SLC22A4: variants seen among roughly 807,000 people sequenced by gnomAD.
SLC22A4 encodes the protein ET transporter.
Under a neutral mutation model 56.6 loss-of-function variants are expected in SLC22A4, and 39 were observed. The ratio of observed to expected loss-of-function variants is 0.69; its 90% CI spans 0.53 to 0.90. SLC22A4 has a LOEUF of 0.90. Among genes scored for constraint, SLC22A4 ranks in the 40% least tolerant of loss-of-function variants. The probability of loss-of-function intolerance (pLI) is 0.00; values close to 1 mark genes in which losing one functional copy is unlikely to be tolerated. For missense variants in SLC22A4, 594 were observed against 696.5 expected (o/e 0.85, Z 1.66); for synonymous variants, 241 against 281.4 (o/e 0.86, Z 1.44).
intron 1 of SLC22A4, among the ~76,000 whole-genome samples, chr5:132,298,627 C>G (rs1181523869): frequency 1.3e-5 from 2 of 152,148 alleles, no homozygotes; most frequent in African/African-American, 4.8e-5. Flanking sequence ...TCTCAGTTTT[C>G]AAAATGGGGA....
intron 8 of SLC22A4, among the ~76,000 whole-genome samples, chr5:132,338,249 C>G (rs181394141): frequency 1.2e-4 from 19 of 152,174 alleles, no homozygotes; most frequent in Non-Finnish European, 2.2e-4. Context: ...ATAAAACCAG[C>G]AAGTTTTTAT....
chr5:132,296,718 A>C (rs1195059116), intron 1 of SLC22A4, among the ~76,000 whole-genome samples: 1 of 152,216 alleles, frequency 6.6e-6, no homozygotes, highest in Non-Finnish European at 1.5e-5. Context: ...GGGCCAGCTC[A>C]TCCCGCGTCG....
intron 1 of SLC22A4, among the ~76,000 whole-genome samples, chr5:132,304,810 A>C (rs1049765822): frequency 6.6e-6 from 1 of 152,240 alleles, no homozygotes; most frequent in African/African-American, 2.4e-5. Context: ...TCCACATGTC[A>C]GATTTTAACA....
At chr5:132,327,513 C>T in intron 5 of SLC22A4, 110 bp downstream of exon 5, 1 of 895,810 alleles carries the variant, frequency 1.1e-6, no homozygotes, top group Non-Finnish European at 1.9e-6. Flanking sequence ...AGGCATTGCA[C>T]TAGGCCTTAG....
chr5:132,337,825 G>T (rs987608140), intron 8 of SLC22A4, among the ~76,000 whole-genome samples: 3 of 150,270 alleles, frequency 2.0e-5, no homozygotes, highest in African/African-American at 7.4e-5. Flanking sequence ...AACCTCCGCC[G>T]CCTGGGTTCA....
At chr5:132,331,486 CT>C (rs1433187307) in intron 5 of SLC22A4, among the ~76,000 whole-genome samples, 1 of 152,118 alleles carries the variant, frequency 6.6e-6, no homozygotes, top group Non-Finnish European at 1.5e-5. Flanking sequence ...CAGAGAAAGG[CT>C]ATGTTAGCCA....
At chr5:132,297,971 T>C (rs1487471282) in intron 1 of SLC22A4, among the ~76,000 whole-genome samples, 1 of 152,102 alleles carries the variant, frequency 6.6e-6, no homozygotes, top group Non-Finnish European at 1.5e-5. Context: ...TTGTTGTTTT[T>C]AAACACAGAA....
intron 3 of SLC22A4, among the ~76,000 whole-genome samples, chr5:132,317,911 A>G (rs975860273): frequency 2.6e-5 from 4 of 152,246 alleles, no homozygotes; most frequent in African/African-American, 9.6e-5. Flanking sequence ...GGCATACCTT[A>G]TTTGCATTGC....
intron 4 of SLC22A4, among the ~76,000 whole-genome samples, chr5:132,326,251 A>G (rs1284696693): frequency 6.6e-6 from 1 of 152,256 alleles, no homozygotes; most frequent in African/African-American, 2.4e-5. Flanking sequence ...ATCATAGCTC[A>G]GCCTGACCTA....
intron 1 of SLC22A4, among the ~76,000 whole-genome samples, chr5:132,299,024 G>C (rs541104233): frequency 8.5e-5 from 13 of 152,346 alleles, no homozygotes; most frequent in African/African-American, 3.1e-4. Flanking sequence ...CCCCTGAGAA[G>C]GTTCTCTGCA....
chr5:132,338,431 T>C (rs999312277), intron 8 of SLC22A4, among the ~76,000 whole-genome samples: 2 of 152,210 alleles, frequency 1.3e-5, no homozygotes, highest in African/African-American at 4.8e-5. Context: ...CGCATTGTCA[T>C]TGATAACATC....
chr5:132,311,904 G>A lies in SLC22A4; in HGVS notation c.394-257G>A, dbSNP rs753780190. ...TTGCTATGTAATGCGAGCGGAGTAG[G>A]AGCATCACCCTCCCTTTCCAAAGAG... On this transcript the variant is annotated intron_variant, in intron 1 of 9. Coordinates refer to ENST00000200652, the MANE Select transcript of SLC22A4 (RefSeq NM_003059.3). 1.0e-5 allele frequency: 6 copies of A among 573,232 alleles called. 1 individual carries two copies. Among genetic ancestry groups the A allele is most frequent in the African/African-American group, 1.9e-5 (1 of 53,406 alleles). 35.5% of individuals were successfully genotyped at this position (573,232 alleles called of 1,614,324 possible).
chr5:132,341,982 T>C (rs893349960), intron 9 of SLC22A4, among the ~76,000 whole-genome samples: 9 of 150,802 alleles, frequency 6.0e-5, no homozygotes, highest in African/African-American at 2.2e-4. Flanking sequence ...ATCCAGACAG[T>C]TAAAAAATTT....
chr5:132,329,844 C>T (rs1750805154), intron 5 of SLC22A4, among the ~76,000 whole-genome samples: 1 of 152,122 alleles, frequency 6.6e-6, no homozygotes, highest in Non-Finnish European at 1.5e-5. Context: ...TCACAATCAC[C>T]CAAGTGCTTT....
chr5:132,298,025 T>A (rs1170246020), intron 1 of SLC22A4, among the ~76,000 whole-genome samples: 1 of 152,218 alleles, frequency 6.6e-6, no homozygotes, highest in Non-Finnish European at 1.5e-5. Flanking sequence ...GAAACCCTTG[T>A]TCATTCCTAG....
chr5:132,312,978 A>G (rs1367749850), intron 2 of SLC22A4, among the ~76,000 whole-genome samples: 4 of 152,230 alleles, frequency 2.6e-5, no homozygotes, highest in African/African-American at 9.7e-5. Context: ...ACTGGTCACT[A>G]CCAGAATGTG....
At position 132,340,623 on chromosome 5, in the gene SLC22A4, A is replaced by C; in HGVS notation, c.1503A>C (p.Gly501=). 6.2e-7 allele frequency: 1 copy of C among 1,613,942 alleles called. No homozygotes were observed. The highest frequency in any genetic ancestry group is 8.5e-7 in the Non-Finnish European group (1 of 1,179,828). The change falls in exon 9 of 10, where the codon GGA becomes GGC. Residue 501 remains glycine, a synonymous_variant. Transcript: ENST00000200652. The stretch of plus-strand genomic sequence containing the variant: ...TGGGTAGTCTGACTGTCCTGATTGG[A>C]ATCCTCACCCTTTTTTTCCCTGAAA... ...IVMGSLTVLI[G]ILTLFFPESL...
At chr5:132,300,684 G>A (rs1401862960) in intron 1 of SLC22A4, among the ~76,000 whole-genome samples, 33 of 152,232 alleles carry the variant, frequency 2.2e-4, no homozygotes, top group Admixed American at 2.2e-3. Context: ...TTTAAGGATA[G>A]AGAATGTAGA....
At position 132,313,758 on chromosome 5, in the gene SLC22A4, C is replaced by A. The variant is rs199611329; in HGVS notation, c.642C>A (p.Ala214=). 1.7e-5 allele frequency: 27 copies of A among 1,614,178 alleles called. No individual in the cohort carries two copies. The highest frequency in any genetic ancestry group is 1.7e-4 in the Middle Eastern group (1 of 6,056). ...GCCAGATCTCCAACTATGTGGTAGC[C>A]TTCATACTAGGTAGGAATGGCTTCT... is the stretch of plus-strand genomic sequence containing the variant. ...GMGQISNYVV[A]FILGTEILGK... is the part of the protein sequence containing the mutation. Residue 214 remains alanine, a synonymous_variant, in exon 3 of 10, where the codon GCC becomes GCA. Coordinates refer to ENST00000200652, the MANE Select transcript of SLC22A4 (RefSeq NM_003059.3).
Sources: gnomAD v4.1 joint callset for allele counts (sites outside exome capture counted in the v4.1 genomes callset) on GRCh38, gnomAD v4.1.1 for gene constraint, MANE v1.5 for transcripts, NCBI Gene and HGNC (gene_info 2026-07-23, HGNC 2026-07-21) for gene names.